Variants in NABP2 observed in about 807,000 individuals in gnomAD.
NABP2 encodes the protein nucleic acid binding protein 2, also known as SOSS complex subunit B1.
A neutral mutation model predicts 22.7 loss-of-function variants in NABP2; 7 were observed. That is an observed-to-expected ratio of 0.31 (90% CI 0.18 to 0.58). The LOEUF is 0.58. Among genes scored for constraint, NABP2 ranks in the 20% least tolerant of loss-of-function variants. The pLI, the probability that NABP2 is intolerant of heterozygous loss-of-function variation, is 0.89. For synonymous variants in NABP2, 107 were observed against 99.2 expected, an observed-to-expected ratio of 1.08 and a Z score of -0.47; for missense variants, 188 against 265.9, an observed-to-expected ratio of 0.71 and a Z score of 2.04.
Position 56,226,433 on chromosome 12 carries a change from C to T in NABP2, c.436+14C>T. The stretch of plus-strand genomic sequence containing the variant: ...CTGCCTCTCCAGGTAAATCTGTTCC[C>T]TTCTATCCACTGGTCCTCCTAGCTC... On this transcript the variant is annotated intron_variant, in intron 6 of 6. Coordinates refer to ENST00000267023, the MANE Select transcript of NABP2 (RefSeq NM_024068.4). The T allele has an allele frequency of 8.1e-6, 13 of 1,610,140 alleles. No individual in the cohort carries two copies. The highest frequency in any genetic ancestry group is 1.3e-5 in the African/African-American group (1 of 74,918).
intron 1 of NABP2, 26 bp from the exon 2 acceptor site, chr12:56,224,808 G>C (rs1485916242): frequency 1.9e-6 from 3 of 1,586,052 alleles, no homozygotes; most frequent in Non-Finnish European, 2.6e-6. Context: ...CAAGCATTGA[G>C]CCTTCATCCT....
upstream of NABP2, among the ~76,000 whole-genome samples, chr12:56,222,502 G>T (rs1869540751): frequency 6.6e-6 from 1 of 152,158 alleles, no homozygotes; most frequent in Admixed American, 6.5e-5. Flanking sequence ...AACACTTGTG[G>T]AGTTCCCTGA....
At chr12:56,226,529 T>A in intron 6 of NABP2, 110 bp downstream of exon 6, 1 of 816,368 alleles carries the variant, frequency 1.2e-6, no homozygotes, top group African/African-American at 1.7e-5. Context: ...TCTCAGTGTA[T>A]CCTCCTTCAC....
At position 56,225,636 on chromosome 12, in the gene NABP2, T is replaced by C. The variant is rs1869724736; in HGVS notation, c.231T>C (p.Val77=). Residue 77 remains valine, a synonymous_variant, in exon 4 of 7, where the codon GTT becomes GTC. Coordinates refer to ENST00000267023, the MANE Select transcript of NABP2 (RefSeq NM_024068.4). ...TTGCCTCCCATAGGTACGCTTCAGT[T>C]TTCAAAGGTTGTCTGACACTATATA... ...IIRLTKGYAS[V]FKGCLTLYTG... 1 of 1,614,146 alleles carries C rather than the reference T, an allele frequency of 6.2e-7. No individual in the cohort carries two copies. The highest frequency in any genetic ancestry group is 8.5e-7 in the Non-Finnish European group (1 of 1,180,040).
intron 6 of NABP2, among the ~76,000 whole-genome samples, chr12:56,228,727 C>G (rs112412319): frequency 9.2e-5 from 14 of 152,060 alleles, no homozygotes; most frequent in African/African-American, 3.1e-4. Context: ...GAGCCTAGAA[C>G]TAAACAGCTA....
chr12:56,226,137 AGAG>A, intron 4 of NABP2, 39 bp from the exon 5 acceptor site: 7 of 1,582,746 alleles, frequency 4.4e-6, no homozygotes, highest in Non-Finnish European at 5.2e-6. Context: ...GCAGTGGCCC[AGAG>A]GATGAATTCA....
Position 56,224,389 on chromosome 12 carries a change from G to A in NABP2, c.-76G>A, listed in dbSNP as rs931329240. 49 of 990,928 alleles carry A rather than the reference G, an allele frequency of 4.9e-5. No homozygotes were observed. In the Middle Eastern group the frequency reaches 5.2e-3, roughly 106 times the overall value. 61.4% of individuals were successfully genotyped at this position (990,928 alleles called of 1,614,324 possible). ...AGCATCCGGCGGCAGCGGAGCCTGT[G>A]GCTCCCCCTGCGGGCTGCTCAGCGG... On this transcript the variant is annotated 5_prime_UTR_variant, in exon 1 of 7. Coordinates refer to ENST00000267023, the MANE Select transcript of NABP2 (RefSeq NM_024068.4).
At chr12:56,225,974 G>C (rs1869741579) in intron 4 of NABP2, among the ~76,000 whole-genome samples, 1 of 152,002 alleles carries the variant, frequency 6.6e-6, no homozygotes, top group Admixed American at 6.6e-5. Flanking sequence ...TAATTTTTTT[G>C]TATTTTTTAT....
At chr12:56,224,966 A>G in intron 2 of NABP2, 31 bp downstream of exon 2, 1 of 793,122 alleles carries the variant, frequency 1.3e-6, no homozygotes, top group South Asian at 1.3e-5. Context: ...GGTTCGCGGG[A>G]TGGGGGTCGG....
chr12:56,224,380 G>A lies in NABP2; in HGVS notation c.-85G>A, dbSNP rs1869657792. ...CCACGGGGCAGCATCCGGCGGCAGC[G>A]GAGCCTGTGGCTCCCCCTGCGGGCT... On this transcript the variant is annotated 5_prime_UTR_variant, in exon 1 of 7. Coordinates refer to ENST00000267023, the MANE Select transcript of NABP2 (RefSeq NM_024068.4). The A allele has an allele frequency of 1.0e-6, 1 of 990,098 alleles. No homozygotes were observed. Among genetic ancestry groups the A allele is most frequent in the Non-Finnish European group, 1.2e-6 (1 of 831,784 alleles). 61.3% of individuals were successfully genotyped at this position (990,098 alleles called of 1,614,324 possible). A position where few individuals can be genotyped will look rare whatever the true frequency, so the allele number is the denominator to read the frequency against.
intron 2 of NABP2, 52 bp downstream of exon 2, chr12:56,224,987 G>T: frequency 7.6e-7 from 1 of 1,323,008 alleles, no homozygotes; most frequent in South Asian, 1.2e-5. Flanking sequence ...GGGCAGGAGG[G>T]GAAGAACGCT....
chr12:56,223,175 G>C (rs1869580554), upstream of NABP2, among the ~76,000 whole-genome samples: 1 of 152,126 alleles, frequency 6.6e-6, no homozygotes, highest in African/African-American at 2.4e-5. Flanking sequence ...GGCAGAGGTT[G>C]CATTGCAGTG....
chr12:56,224,354 T>G lies in NABP2; in HGVS notation c.-111T>G. ...TCCGGGAATGTCCGCACTCCCGCGTTCCACGGGGCAGCATCCGGCGGCAGC... is the reference window on the plus strand; with the variant it reads ...TCCGGGAATGTCCGCACTCCCGCGTGCCACGGGGCAGCATCCGGCGGCAGC... On this transcript the variant is annotated 5_prime_UTR_variant, in exon 1 of 7. Coordinates refer to ENST00000267023, the MANE Select transcript of NABP2 (RefSeq NM_024068.4). 1 of 988,188 alleles carries G rather than the reference T, an allele frequency of 1.0e-6. No individual in the cohort carries two copies. Among genetic ancestry groups the G allele is most frequent in the Non-Finnish European group, 1.2e-6 (1 of 831,072 alleles). The allele number at this position is 988,188 out of a possible 1,614,324, so 61.2% of individuals were successfully genotyped here. A position where few individuals can be genotyped will look rare whatever the true frequency, so the allele number is the denominator to read the frequency against.
intron 6 of NABP2, among the ~76,000 whole-genome samples, chr12:56,227,266 C>T (rs1235045413): frequency 6.6e-6 from 1 of 151,456 alleles, no homozygotes; most frequent in Non-Finnish European, 1.5e-5. Context: ...ATCCCAGCTA[C>T]TTGGGAGGCC....
rs550095965 is a variant in NABP2, at chr12:56,224,660, A to G, written c.-23-174A>G. On this transcript the variant is annotated intron_variant, in intron 1 of 6. Coordinates refer to ENST00000267023, the MANE Select transcript of NABP2 (RefSeq NM_024068.4). ...AAAGCAGCCTGTCCAGAGACCCCCA[A>G]ATTCTGATCCTGAAGTTGGAGGCCT... 7.5e-4 allele frequency: 728 copies of G among 972,064 alleles called. 5 individuals carry two copies. In the African/African-American group the frequency reaches 0.011, roughly 14 times the overall value. The allele number at this position is 972,064 out of a possible 1,614,324, so 60.2% of individuals were successfully genotyped here.
intron 2 of NABP2, among the ~76,000 whole-genome samples, 181 bp from the exon 3 acceptor site, chr12:56,225,192 C>A (rs1869704429): frequency 6.6e-6 from 1 of 152,060 alleles, no homozygotes; most frequent in African/African-American, 2.4e-5. Context: ...CCCCTGAACT[C>A]CCACCTCCAC....
upstream of NABP2, among the ~76,000 whole-genome samples, chr12:56,223,005 G>A (rs1869568381): frequency 6.6e-6 from 1 of 152,244 alleles, no homozygotes; most frequent in South Asian, 2.1e-4. Flanking sequence ...GGAGACCGAG[G>A]CTGGTGGATC....
intron 2 of NABP2, 144 bp from the exon 3 acceptor site, chr12:56,225,229 A>C (rs1565950523): frequency 8.8e-7 from 1 of 1,139,966 alleles, no homozygotes; most frequent in Non-Finnish European, 1.3e-6. Flanking sequence ...CACAATCCCA[A>C]CCCTTTATGC....
intron 6 of NABP2, among the ~76,000 whole-genome samples, chr12:56,228,632 C>T (rs748038485): frequency 5.9e-5 from 9 of 151,958 alleles, no homozygotes; most frequent in Admixed American, 2.0e-4. Flanking sequence ...GTGATCCACC[C>T]GCGTCAGCCT....
Sources: allele counts gnomAD v4.1 joint callset (sites outside exome capture counted in the v4.1 genomes callset), GRCh38; gene constraint gnomAD v4.1.1; transcripts MANE v1.5; gene names NCBI Gene and HGNC (gene_info 2026-07-23, HGNC 2026-07-21).